Variants in LATS2 observed in about 807,000 individuals in gnomAD.
LATS2 encodes serine/threonine-protein kinase LATS2.
In LATS2, 24 loss-of-function variants were observed where a neutral mutation model predicts 76.0. The observed-to-expected ratio is 0.32, with a 90% CI of 0.23 to 0.44. The LOEUF (loss-of-function observed/expected upper bound fraction) is 0.44. LATS2 is among the 20% of genes least tolerant of loss of function. The pLI, the probability that LATS2 is intolerant of heterozygous loss-of-function variation, is 1.00. For synonymous variants in LATS2, 692 were observed against 635.4 expected, an observed-to-expected ratio of 1.09 and a Z score of -1.34; for missense variants, 1,286 against 1,481.2, an observed-to-expected ratio of 0.87 and a Z score of 2.16.
intron 2 of LATS2, among the ~76,000 whole-genome samples, chr13:21,003,730 C>T (rs950176872): frequency 6.6e-6 from 1 of 151,920 alleles, no homozygotes; most frequent in Admixed American, 6.6e-5. Context: ...GCGAGAGCCA[C>T]CATACCAGGC....
intron 2 of LATS2, among the ~76,000 whole-genome samples, chr13:21,009,253 A>T (rs1457565610): frequency 2.0e-5 from 3 of 152,234 alleles, no homozygotes; most frequent in Non-Finnish European, 4.4e-5. Context: ...CCACGTGGTC[A>T]GCTCTTGGAA....
chr13:21,011,221 CT>C (rs1196245506), intron 2 of LATS2, among the ~76,000 whole-genome samples: 2 of 152,236 alleles, frequency 1.3e-5, no homozygotes, highest in Non-Finnish European at 2.9e-5. Context: ...GAAATACCTG[CT>C]TTTCCTCACT....
intron 7 of LATS2, among the ~76,000 whole-genome samples, chr13:20,976,479 C>T (rs1018247215): frequency 6.6e-6 from 1 of 151,976 alleles, no homozygotes; most frequent in African/African-American, 2.4e-5. Flanking sequence ...TTTTGTGCAT[C>T]GAAGGACATT....
At position 21,041,807 on chromosome 13, in the gene LATS2, T is replaced by C. The variant is rs1232941330; in HGVS notation, c.342+3878A>G. ...GCCATGGGCCTCCCCTGGGAGTTAC[T>C]GAATTGGAACCTCACCCTCACAGGA... is the stretch of plus-strand genomic sequence containing the variant. On this transcript the variant is annotated intron_variant, in intron 2 of 7. Coordinates refer to ENST00000382592, the MANE Select transcript of LATS2 (RefSeq NM_014572.3). 4.6e-5 allele frequency among the ~76,000 whole-genome samples: 7 copies of C among 152,288 alleles called. No homozygotes were observed. In the East Asian group the frequency reaches 1.4e-3, roughly 29 times the overall value.
intron 3 of LATS2, among the ~76,000 whole-genome samples, chr13:20,990,957 C>T (rs1870482274): frequency 6.6e-6 from 1 of 152,254 alleles, no homozygotes; most frequent in Non-Finnish European, 1.5e-5. Context: ...TTTACGCCCG[C>T]TTTGCTGACT....
At chr13:21,044,717 TGTGTGTGTGTGTGTGTGTGTG>T (rs1873000668) in intron 2 of LATS2, among the ~76,000 whole-genome samples, 1 of 136,284 alleles carries the variant, frequency 7.3e-6, no homozygotes, top group Admixed American at 7.4e-5. Context: ...TGTGTGTGTG[TGTGTGTGTGTGTGTGTGTGTG>T]TTTTAAATAG....
chr13:21,000,380 T>G (rs1870987519), intron 2 of LATS2, among the ~76,000 whole-genome samples: 1 of 150,328 alleles, frequency 6.7e-6, no homozygotes, highest in Admixed American at 6.6e-5. Context: ...GACTCTGTCA[T>G]AATAATAATA....
chr13:21,009,043 C>T (rs1871469407), intron 2 of LATS2, among the ~76,000 whole-genome samples: 1 of 152,228 alleles, frequency 6.6e-6, no homozygotes, highest in African/African-American at 2.4e-5. Context: ...CGTCCCACTG[C>T]CCATGCTCTT....
At chr13:21,014,002 A>AAGG (rs1238070266) in intron 2 of LATS2, among the ~76,000 whole-genome samples, 1 of 151,482 alleles carries the variant, frequency 6.6e-6, no homozygotes, top group Non-Finnish European at 1.5e-5. Flanking sequence ...GAAGAAGAAG[A>AAGG]AGAGGAGGAA....
chr13:20,975,553 A>G (rs1869578314), intron 7 of LATS2, among the ~76,000 whole-genome samples, 189 bp from the exon 8 acceptor site: 2 of 152,254 alleles, frequency 1.3e-5, no homozygotes, highest in African/African-American at 4.8e-5. Context: ...GATGGCTCAC[A>G]GCCTGAGGCC....
At chr13:21,030,842 T>C (rs112921381) in intron 2 of LATS2, among the ~76,000 whole-genome samples, 12 of 152,292 alleles carry the variant, frequency 7.9e-5, no homozygotes, top group Non-Finnish European at 1.6e-4. Context: ...CCTTCCTGTA[T>C]ATCCTTTAGC....
At chr13:20,984,264 A>C (rs1870044051) in intron 4 of LATS2, among the ~76,000 whole-genome samples, 1 of 152,170 alleles carries the variant, frequency 6.6e-6, no homozygotes, top group Admixed American at 6.6e-5. Context: ...ATATATAGAC[A>C]TGAATATGGA....
Position 20,973,639 on chromosome 13 carries a change from T to C in LATS2, c.*1231A>G, listed in dbSNP as rs1166159455. On this transcript the variant is annotated 3_prime_UTR_variant, in exon 8 of 8. Coordinates refer to ENST00000382592, the MANE Select transcript of LATS2 (RefSeq NM_014572.3). ...TGCTTTTTTACAAAGGTTAGGAATA[T>C]GTATTGTTTAAACCAAGTTAAGATT... The C allele has an allele frequency of 4.3e-6, 1 of 231,938 alleles. No individual in the cohort carries two copies. The highest frequency in any genetic ancestry group is 5.6e-5 in the Admixed American group (1 of 17,746). The allele number at this position is 231,938 out of a possible 1,614,324, so 14.4% of individuals were successfully genotyped here. A position where few individuals can be genotyped will look rare whatever the true frequency, so the allele number is the denominator to read the frequency against.
chr13:20,996,524 T>G (rs1870760489), intron 2 of LATS2, among the ~76,000 whole-genome samples: 1 of 152,058 alleles, frequency 6.6e-6, no homozygotes, highest in Non-Finnish European at 1.5e-5. Flanking sequence ...ATTACATGCA[T>G]GAACCACCAC....
At chr13:21,019,012 C>T (rs1321031756) in intron 2 of LATS2, among the ~76,000 whole-genome samples, 1 of 152,104 alleles carries the variant, frequency 6.6e-6, no homozygotes, top group Non-Finnish European at 1.5e-5. Context: ...CGCCCCTGTC[C>T]TGTAAATGGC....
intron 2 of LATS2, among the ~76,000 whole-genome samples, chr13:21,013,639 T>C (rs1292992933): frequency 6.6e-6 from 1 of 152,168 alleles, no homozygotes; most frequent in East Asian, 1.9e-4. Flanking sequence ...TCCTTTTTCT[T>C]GTCCTCCCAA....
intron 2 of LATS2, among the ~76,000 whole-genome samples, chr13:21,044,848 G>A (rs539159835): frequency 2.5e-4 from 29 of 117,566 alleles, no homozygotes; most frequent in Non-Finnish European, 3.2e-4. Flanking sequence ...TCCTGCCTCA[G>A]CATCCCATGT....
chr13:21,000,557 T>TAA (rs1870997150), intron 2 of LATS2, among the ~76,000 whole-genome samples: 1 of 152,150 alleles, frequency 6.6e-6, no homozygotes, highest in Non-Finnish European at 1.5e-5. Flanking sequence ...AATTCAGTTT[T>TAA]AAAAAACTGA....
At chr13:21,058,207 T>C (rs917533054) in intron 1 of LATS2, among the ~76,000 whole-genome samples, 4 of 152,276 alleles carry the variant, frequency 2.6e-5, no homozygotes, top group Admixed American at 2.6e-4. Context: ...ATTTACCTTC[T>C]GTATTTCTTC....
Sources: gnomAD v4.1 joint callset for allele counts (sites outside exome capture counted in the v4.1 genomes callset) on GRCh38, gnomAD v4.1.1 for gene constraint, MANE v1.5 for transcripts, NCBI Gene and HGNC (gene_info 2026-07-23, HGNC 2026-07-21) for gene names.